HPSE2: variants seen among roughly 807,000 people sequenced by gnomAD.
HPSE2 encodes inactive heparanase-2.
Under a neutral mutation model 60.5 loss-of-function variants are expected in HPSE2, and 38 were observed. That is an observed-to-expected ratio of 0.63 (90% CI 0.48 to 0.82). The LOEUF is 0.82. HPSE2 is among the 40% of genes least tolerant of loss of function. The pLI is 0.00. For missense variants in HPSE2, 713 were observed against 740.4 expected (o/e 0.96, Z 0.43); for synonymous variants, 295 against 293.2 (o/e 1.01, Z -0.06).
chr10:99,075,134 G>A (rs1330690208), intron 3 of HPSE2, among the ~76,000 whole-genome samples: 1 of 151,986 alleles, frequency 6.6e-6, no homozygotes, highest in African/African-American at 2.4e-5. Flanking sequence ...GGTTACTTGA[G>A]ATCTCTTTCT....
At chr10:98,478,599 T>C (rs1435282910) in intron 11 of HPSE2, among the ~76,000 whole-genome samples, 1 of 152,238 alleles carries the variant, frequency 6.6e-6, no homozygotes, top group African/African-American at 2.4e-5. Flanking sequence ...GAGCTCATTT[T>C]GAAGTGAAAT....
intron 6 of HPSE2, among the ~76,000 whole-genome samples, chr10:98,689,774 G>GCA (rs942084355): frequency 6.6e-6 from 1 of 152,134 alleles, no homozygotes; most frequent in Non-Finnish European, 1.5e-5. Flanking sequence ...TCTTGTGAAG[G>GCA]CATCAGTTTA....
chr10:98,984,239 C>G (rs920920939), intron 3 of HPSE2, among the ~76,000 whole-genome samples: 1 of 152,182 alleles, frequency 6.6e-6, no homozygotes, highest in Non-Finnish European at 1.5e-5. Context: ...CGGAGGCACC[C>G]CCCAGTAGGG....
intron 3 of HPSE2, among the ~76,000 whole-genome samples, chr10:98,799,191 G>T (rs1191163201): frequency 2.0e-5 from 3 of 152,124 alleles, no homozygotes; most frequent in Non-Finnish European, 2.9e-5. Flanking sequence ...AAGAGACAAA[G>T]AAGGTCATTA....
Position 98,917,524 on chromosome 10 carries a change from C to T in HPSE2, c.611-173468G>A, listed in dbSNP as rs112502540. On this transcript the variant is annotated intron_variant, in intron 3 of 11. Transcript: ENST00000370552. ...AAGGATTAACTTCTGCCTTAAAATC[C>T]TAGCTCTACAACTTAACTTCTCTGA... Among the ~76,000 whole-genome samples the T allele has an allele frequency of 1.9e-3, 292 of 152,254 alleles. 1 individual carries two copies. The highest frequency in any genetic ancestry group is 6.8e-3 in the African/African-American group (284 of 41,558).
intron 3 of HPSE2, among the ~76,000 whole-genome samples, chr10:99,012,488 G>A (rs1202742601): frequency 3.3e-5 from 5 of 151,598 alleles, no homozygotes; most frequent in Non-Finnish European, 7.4e-5. Context: ...ACAATACAGA[G>A]AATATAGGGA....
chr10:98,862,271 G>C (rs1952476641), intron 3 of HPSE2, among the ~76,000 whole-genome samples: 1 of 152,096 alleles, frequency 6.6e-6, no homozygotes, highest in South Asian at 2.1e-4. Context: ...GAATTAAAGA[G>C]TTTTATCCAT....
intron 6 of HPSE2, among the ~76,000 whole-genome samples, chr10:98,653,875 C>G (rs1037436570): frequency 1.3e-5 from 2 of 152,076 alleles, no homozygotes; most frequent in African/African-American, 4.8e-5. Context: ...CTATCAATCT[C>G]TCATGCAGGG....
At chr10:99,089,427 G>T (rs1327664763) in intron 3 of HPSE2, among the ~76,000 whole-genome samples, 2 of 152,066 alleles carry the variant, frequency 1.3e-5, no homozygotes, top group Non-Finnish European at 2.9e-5. Context: ...TGTTGAACAG[G>T]GTGTCCTATC....
chr10:98,890,106 A>G (rs2134927825), intron 3 of HPSE2, among the ~76,000 whole-genome samples: 1 of 152,330 alleles, frequency 6.6e-6, no homozygotes, highest in Middle Eastern at 3.4e-3. Context: ...GGGTGTTACG[A>G]GAATTAAATT....
rs948056390 is a variant in HPSE2 at position 98,458,902 on chromosome 10, T to C, written c.*672A>G. The C allele has an allele frequency of 1.3e-5, 2 of 156,952 alleles. No individual in the cohort carries two copies. Among genetic ancestry groups the C allele is most frequent in the Admixed American group, 1.2e-4 (2 of 16,550 alleles). 9.7% of individuals were successfully genotyped at this position (156,952 alleles called of 1,614,324 possible). A position where few individuals can be genotyped will look rare whatever the true frequency, so the allele number is the denominator to read the frequency against. The stretch of plus-strand genomic sequence containing the variant: ...CCTTCTTACCAAATCTGGAGTGTGA[T>C]TGTAATTTTACTTTTGAAGCACCCG... On this transcript the variant is annotated 3_prime_UTR_variant, in exon 12 of 12. Coordinates refer to ENST00000370552, the MANE Select transcript of HPSE2 (RefSeq NM_021828.5).
intron 3 of HPSE2, among the ~76,000 whole-genome samples, chr10:98,780,264 TAATC>T (rs897404821): frequency 6.6e-6 from 1 of 152,092 alleles, no homozygotes; most frequent in African/African-American, 2.4e-5. Flanking sequence ...AATGAAACCA[TAATC>T]AAACACAAAA....
intron 3 of HPSE2, among the ~76,000 whole-genome samples, chr10:98,745,278 T>C (rs574747518): frequency 5.3e-5 from 8 of 152,342 alleles, no homozygotes; most frequent in East Asian, 1.9e-4. Flanking sequence ...TCTATCACCA[T>C]GTGTCTCCTA....
At chr10:98,889,256 G>A in intron 3 of HPSE2, among the ~76,000 whole-genome samples, 1 of 151,938 alleles carries the variant, frequency 6.6e-6, no homozygotes, top group Non-Finnish European at 1.5e-5. Flanking sequence ...AGGTTGGGCT[G>A]ACTGCAACCT....
upstream of HPSE2, among the ~76,000 whole-genome samples, chr10:99,237,410 C>T (rs1849887249): frequency 6.6e-6 from 1 of 152,174 alleles, no homozygotes; most frequent in African/African-American, 2.4e-5. Context: ...CTCTTACCTC[C>T]ACCCAGACCA....
Position 98,457,400 on chromosome 10 carries a change from A to C in HPSE2, c.*2174T>G, listed in dbSNP as rs887249324. On this transcript the variant is annotated 3_prime_UTR_variant, in exon 12 of 12. Coordinates refer to ENST00000370552, the MANE Select transcript of HPSE2 (RefSeq NM_021828.5). The stretch of plus-strand genomic sequence containing the variant: ...TTCCCCGGGTGCCCCTGGGCGAGCC[A>C]TGGATCCTCTCCATGCCTCGTAGGA... The C allele has an allele frequency of 6.6e-6, 1 of 152,134 alleles. No individual in the cohort carries two copies. Among genetic ancestry groups the C allele is most frequent in the Non-Finnish European group, 1.5e-5 (1 of 68,032 alleles). The allele number at this position is 152,134 out of a possible 1,614,324, so 9.4% of individuals were successfully genotyped here. A position where few individuals can be genotyped will look rare whatever the true frequency, so the allele number is the denominator to read the frequency against.
chr10:99,068,761 A>G (rs191028639), intron 3 of HPSE2, among the ~76,000 whole-genome samples: 1 of 152,252 alleles, frequency 6.6e-6, no homozygotes, highest in African/African-American at 2.4e-5. Context: ...AGGAAAGATC[A>G]TCAAAATCAT....
At chr10:98,507,060 C>G (rs535034982) in intron 9 of HPSE2, among the ~76,000 whole-genome samples, 13 of 152,250 alleles carry the variant, frequency 8.5e-5, no homozygotes, top group African/African-American at 2.4e-4. Context: ...ATGCATATTG[C>G]TTAAGCACAC....
At chr10:99,014,226 C>A (rs1240625714) in intron 3 of HPSE2, among the ~76,000 whole-genome samples, 2 of 152,234 alleles carry the variant, frequency 1.3e-5, no homozygotes, top group African/African-American at 2.4e-5. Flanking sequence ...CCTCCCCATT[C>A]ATGTGTTAGT....
Sources: gnomAD v4.1 joint callset for allele counts (sites outside exome capture counted in the v4.1 genomes callset) on GRCh38, gnomAD v4.1.1 for gene constraint, MANE v1.5 for transcripts, NCBI Gene and HGNC (gene_info 2026-07-23, HGNC 2026-07-21) for gene names.